MGAT5: variants seen among roughly 807,000 people sequenced by gnomAD.
MGAT5 encodes alpha-1,6-mannosylglycoprotein 6-beta-N-acetylglucosaminyltransferase A.
A neutral mutation model predicts 94.3 loss-of-function variants in MGAT5; 30 were observed. The ratio of observed to expected loss-of-function variants is 0.32; its 90% CI spans 0.24 to 0.43. The LOEUF (loss-of-function observed/expected upper bound fraction) is 0.43, where lower values mean the gene tolerates loss of function less well. Among genes scored for constraint, MGAT5 ranks in the 20% least tolerant of loss-of-function variants. The probability of loss-of-function intolerance (pLI) is 1.00; values close to 1 mark genes in which losing one functional copy is unlikely to be tolerated. For synonymous variants in MGAT5, 310 were observed against 322.9 expected, an observed-to-expected ratio of 0.96 and a Z score of 0.43; for missense variants, 691 against 905.5, an observed-to-expected ratio of 0.76 and a Z score of 3.04.
Position 134,209,092 on chromosome 2 carries a change from C to T in MGAT5, c.-142-45170C>T, listed in dbSNP as rs551202053. 1.9e-4 allele frequency among the ~76,000 whole-genome samples: 28 copies of T among 149,438 alleles called. No individual in the cohort carries two copies. In the South Asian group the frequency reaches 5.1e-3, roughly 27 times the overall value. On this transcript the variant is annotated intron_variant, in intron 1 of 16. Coordinates refer to the MGAT5 transcript ENST00000409645. Reference sequence around the variant, plus strand: ...TCCTCTTTTGTTTTTGTGTATTTACCGGGGATGAGGAGGTGGATGGGCAGA... The same window carrying T: ...TCCTCTTTTGTTTTTGTGTATTTACTGGGGATGAGGAGGTGGATGGGCAGA...
intron 1 of MGAT5, among the ~76,000 whole-genome samples, chr2:134,177,158 T>TGTG (rs1226186900): frequency 6.6e-6 from 1 of 151,968 alleles, no homozygotes; most frequent in Non-Finnish European, 1.5e-5. Flanking sequence ...TGTGTGTGTG[T>TGTG]GTGTATGTAT....
At chr2:134,155,735 C>G (rs1032488763) in intron 1 of MGAT5, among the ~76,000 whole-genome samples, 1 of 152,180 alleles carries the variant, frequency 6.6e-6, no homozygotes, top group African/African-American at 2.4e-5. Context: ...CCCTCTGTTT[C>G]TAGCCACACT....
At chr2:134,153,826 G>A (rs112450494) in intron 1 of MGAT5, among the ~76,000 whole-genome samples, 19 of 152,162 alleles carry the variant, frequency 1.2e-4, no homozygotes, top group Non-Finnish European at 2.6e-4. Flanking sequence ...ATTAACTCTT[G>A]CTTATGGTTC....
At chr2:134,329,271 A>G (rs868713758) in intron 4 of MGAT5, among the ~76,000 whole-genome samples, 1 of 152,078 alleles carries the variant, frequency 6.6e-6, no homozygotes, top group Admixed American at 6.6e-5. Context: ...AGATCTTGGT[A>G]TAAATTCTGG....
At chr2:134,279,527 A>T (rs141098330) in intron 2 of MGAT5, among the ~76,000 whole-genome samples, 1 of 152,216 alleles carries the variant, frequency 6.6e-6, no homozygotes, top group African/African-American at 2.4e-5. Flanking sequence ...CAAGGAATAC[A>T]TGGCTTGTTT....
At chr2:134,182,611 A>G (rs1403274256) in intron 1 of MGAT5, among the ~76,000 whole-genome samples, 5 of 152,114 alleles carry the variant, frequency 3.3e-5, no homozygotes, top group African/African-American at 1.2e-4. Context: ...TGGAGAAACA[A>G]AACATGCACA....
intron 2 of MGAT5, among the ~76,000 whole-genome samples, chr2:134,305,459 C>G (rs1686268018): frequency 6.6e-6 from 1 of 152,110 alleles, no homozygotes; most frequent in Admixed American, 6.6e-5. Context: ...TAAAACAGCC[C>G]AAGGATATAG....
chr2:134,354,890 A>T (rs907494968), intron 9 of MGAT5, among the ~76,000 whole-genome samples: 5 of 152,148 alleles, frequency 3.3e-5, no homozygotes, highest in African/African-American at 1.2e-4. Context: ...TGAACTAGGC[A>T]CTAAGGCTTT....
chr2:134,343,706 C>T (rs183168922), intron 7 of MGAT5, among the ~76,000 whole-genome samples: 12 of 152,280 alleles, frequency 7.9e-5, no homozygotes, highest in Admixed American at 2.6e-4. Flanking sequence ...TTGGGAAACA[C>T]TGAACATGGG....
intron 2 of MGAT5, among the ~76,000 whole-genome samples, chr2:134,277,656 T>C (rs1286811242): frequency 6.6e-6 from 1 of 152,162 alleles, no homozygotes; most frequent in Non-Finnish European, 1.5e-5. Flanking sequence ...ATAACGTTCT[T>C]AGAAACATGC....
chr2:134,251,477 A>C (rs1036593850), upstream of MGAT5, among the ~76,000 whole-genome samples: 1 of 152,208 alleles, frequency 6.6e-6, no homozygotes, highest in African/African-American at 2.4e-5. Context: ...TTATTGTGCC[A>C]CTGTGGTCAG....
At chr2:134,264,507 T>C (rs1443758199) in intron 1 of MGAT5, among the ~76,000 whole-genome samples, 2 of 152,196 alleles carry the variant, frequency 1.3e-5, no homozygotes, top group African/African-American at 4.8e-5. Flanking sequence ...GCTGACATAA[T>C]GTAATTTAAT....
chr2:134,213,507 C>T (rs1484830614), intron 1 of MGAT5, among the ~76,000 whole-genome samples: 4 of 152,130 alleles, frequency 2.6e-5, no homozygotes, highest in African/African-American at 7.2e-5. Context: ...CTGACACTAC[C>T]GGGAGTTATT....
chr2:134,441,694 G>A, intron 14 of MGAT5, 64 bp from the exon 15 acceptor site: 1 of 1,547,528 alleles, frequency 6.5e-7, no homozygotes, highest in East Asian at 2.3e-5. Flanking sequence ...AGGGTGGTTG[G>A]CAGGGCTGGG....
In MGAT5 at chr2:134,344,956, G is replaced by T; in HGVS notation, c.1004G>T (p.Arg335Leu). Reference protein sequence around the residue: ...KEIMKKVVGNRSGCPTVGDRI... With the variant: ...KEIMKKVVGNLSGCPTVGDRI... ...ATCATGAAGAAGGTTGTAGGAAACC[G>T]ATCTGGCTGCCCAACTGTAGGAGAC... Residue 335 changes from arginine (R) to leucine (L), a missense_variant, in exon 8 of 16, where the codon CGA (arginine) becomes CTA (leucine). Coordinates refer to ENST00000281923, the MANE Select transcript of MGAT5 (RefSeq NM_002410.5). 1.9e-6 allele frequency: 3 copies of T among 1,613,420 alleles called. No individual in the cohort carries two copies. The highest frequency in any genetic ancestry group is 2.5e-6 in the Non-Finnish European group (3 of 1,179,594).
At chr2:134,333,737 T>C (rs1688152559) in intron 4 of MGAT5, among the ~76,000 whole-genome samples, 1 of 152,146 alleles carries the variant, frequency 6.6e-6, no homozygotes, top group Non-Finnish European at 1.5e-5. Context: ...TTACTAGCCT[T>C]CAGCAAGATT....
At chr2:134,212,762 G>A (rs1361345707) in intron 1 of MGAT5, among the ~76,000 whole-genome samples, 3 of 152,174 alleles carry the variant, frequency 2.0e-5, no homozygotes, top group Non-Finnish European at 4.4e-5. Flanking sequence ...CATACTTTCA[G>A]TCTGTTTCCC....
At chr2:134,352,768 A>G (rs976357356) in intron 9 of MGAT5, among the ~76,000 whole-genome samples, 1 of 152,212 alleles carries the variant, frequency 6.6e-6, no homozygotes, top group Non-Finnish European at 1.5e-5. Flanking sequence ...TGTTCACTGC[A>G]GTAGTATTCC....
chr2:134,385,577 C>A (rs1681920808), intron 10 of MGAT5, among the ~76,000 whole-genome samples: 1 of 152,094 alleles, frequency 6.6e-6, no homozygotes, highest in Non-Finnish European at 1.5e-5. Context: ...ATTGAGTAGA[C>A]CTGGGGTGTT....
Sources: allele counts gnomAD v4.1 joint callset (sites outside exome capture counted in the v4.1 genomes callset), GRCh38; gene constraint gnomAD v4.1.1; transcripts MANE v1.5; gene names NCBI Gene and HGNC (gene_info 2026-07-23, HGNC 2026-07-21).